The following GMPR variants were observed in gnomAD, a reference collection of about 807,000 sequenced individuals.
GMPR encodes GMP reductase 1.
In GMPR, 31 loss-of-function variants were observed where a neutral mutation model predicts 38.4. The ratio of observed to expected loss-of-function variants is 0.81; its 90% CI spans 0.61 to 1.09. The LOEUF is 1.09. Among genes scored for constraint, GMPR ranks in the 50% least tolerant of loss-of-function variants. The probability of loss-of-function intolerance (pLI) is 0.00; values close to 1 mark genes in which losing one functional copy is unlikely to be tolerated. For missense variants in GMPR, 468 were observed against 453.7 expected (o/e 1.03, Z -0.29); for synonymous variants, 162 against 173.3 (o/e 0.93, Z 0.51).
rs560573288 is a variant in GMPR, at chr6:16,279,261, TG to T, written c.654+379del. ...GACGAGAAGCCCAACATCAGGGTGT[TG>T]GGGGGGGCATGCTCCCTCTCAGGGC... is the stretch of plus-strand genomic sequence containing the variant. On this transcript the variant is annotated intron_variant, in intron 6 of 8. Coordinates refer to ENST00000259727, the MANE Select transcript of GMPR (RefSeq NM_006877.4). Among the ~76,000 whole-genome samples the T allele has an allele frequency of 5.3e-5, 8 of 151,712 alleles. No homozygotes were observed. The East Asian group carries it at 7.7e-4, about 15-fold the overall frequency.
chr6:16,241,151 C>G (rs909691914), intron 1 of GMPR, among the ~76,000 whole-genome samples: 13 of 152,220 alleles, frequency 8.5e-5, no homozygotes, highest in African/African-American at 3.1e-4. Context: ...AAATTGGAAA[C>G]TGAAGGGTAG....
At chr6:16,266,605 A>G (rs1238001711) in intron 4 of GMPR, among the ~76,000 whole-genome samples, 2 of 151,586 alleles carry the variant, frequency 1.3e-5, no homozygotes, top group Admixed American at 1.3e-4. Flanking sequence ...GATCATAACC[A>G]TCCTGGCTAA....
chr6:16,285,876 G>A, intron 7 of GMPR, 41 bp downstream of exon 7: 1 of 1,530,968 alleles, frequency 6.5e-7, no homozygotes, highest in African/African-American at 1.4e-5. Context: ...AAGGAAGGAA[G>A]GAGGGAGCTC....
At chr6:16,271,075 G>T (rs1400693780) in intron 4 of GMPR, among the ~76,000 whole-genome samples, 1 of 152,178 alleles carries the variant, frequency 6.6e-6, no homozygotes, top group Non-Finnish European at 1.5e-5. Flanking sequence ...CTACCGGGTT[G>T]TACCTGGTAC....
In GMPR at chr6:16,290,516, G is replaced by A; in HGVS notation, c.752G>A (p.Cys251Tyr). The change falls in exon 8 of 9, where the codon TGT (cysteine) becomes TAT (tyrosine). Residue 251 changes from cysteine to tyrosine, a missense_variant. Physicochemically the swap from Cys to Tyr is radical, Grantham distance 194. Transcript: ENST00000259727. The part of the protein sequence containing the change: ...LGGMFSGHTE[C>Y]AGEVFERNGR... Reference sequence around the variant, plus strand: ...GGAATGTTTTCGGGTCATACGGAGTGTGCTGGAGAAGTGTTTGAGAGGAAC... The same window carrying A: ...GGAATGTTTTCGGGTCATACGGAGTATGCTGGAGAAGTGTTTGAGAGGAAC... 1 of 1,614,020 alleles carries A rather than the reference G, an allele frequency of 6.2e-7. No homozygotes were observed. Among genetic ancestry groups the A allele is most frequent in the Non-Finnish European group, 8.5e-7 (1 of 1,179,876 alleles).
At chr6:16,265,204 C>T (rs1401855525) in intron 4 of GMPR, among the ~76,000 whole-genome samples, 1 of 152,250 alleles carries the variant, frequency 6.6e-6, no homozygotes, top group Non-Finnish European at 1.5e-5. Context: ...CCTCCTACCT[C>T]TGCCTCCTAA....
At chr6:16,251,394 A>C (rs1758873180) in intron 3 of GMPR, among the ~76,000 whole-genome samples, 2 of 152,198 alleles carry the variant, frequency 1.3e-5, no homozygotes, top group Admixed American at 1.3e-4. Flanking sequence ...AACATGGAGA[A>C]ACCCTGTCTT....
intron 1 of GMPR, among the ~76,000 whole-genome samples, chr6:16,241,897 C>A (rs1406222432): frequency 2.0e-5 from 3 of 151,894 alleles, no homozygotes; most frequent in African/African-American, 7.3e-5. Flanking sequence ...ACCTACCACG[C>A]TCTGCTAATT....
At chr6:16,251,943 A>G (rs1199377743) in intron 3 of GMPR, among the ~76,000 whole-genome samples, 2 of 152,164 alleles carry the variant, frequency 1.3e-5, no homozygotes, top group African/African-American at 4.8e-5. Flanking sequence ...AGCCACAGAC[A>G]GGTCTCCCTG....
chr6:16,260,379 G>C lies in GMPR; in HGVS notation c.465+5644G>C, dbSNP rs184319910. Among the ~76,000 whole-genome samples the C allele has an allele frequency of 2.2e-3, 336 of 152,090 alleles. 2 individuals carry two copies. Among genetic ancestry groups the C allele is most frequent in the African/African-American group, 7.8e-3 (323 of 41,532 alleles). On this transcript the variant is annotated intron_variant, in intron 4 of 8. Transcript: ENST00000259727. ...CTGAAGAATTATTTCTGACAGAAGG[G>C]AGGAAATGACTGTGGTGGCCTTCTC...
intron 4 of GMPR, among the ~76,000 whole-genome samples, chr6:16,267,805 G>C (rs1023317276): frequency 1.3e-5 from 2 of 152,300 alleles, no homozygotes; most frequent in Admixed American, 1.3e-4. Context: ...AATGTGTTCA[G>C]ATTAGATAGA....
At chr6:16,278,965 C>G (rs1163794879) in intron 6 of GMPR, 75 bp downstream of exon 6, 15 of 873,372 alleles carry the variant, frequency 1.7e-5, no homozygotes, top group African/African-American at 1.5e-4. Flanking sequence ...CTTTCACTGG[C>G]TGGGCATCCT....
rs751763859 is a variant in GMPR, at chr6:16,254,584, G to A, written c.314G>A (p.Ser105Asn). 4.3e-6 allele frequency: 7 copies of A among 1,614,100 alleles called. No homozygotes were observed. In the South Asian group the frequency reaches 5.5e-5, roughly 13 times the overall value. The change falls in exon 4 of 9, where the codon AGT becomes AAT. Residue 105 changes from serine to asparagine, a missense_variant. Transcript: ENST00000259727. ...CAGAATGTAGCCGTGAGTTCAGGCA[G>A]TGGGCAGAATGATCTGGAAAAGATG... ...CLQNVAVSSG[S>N]GQNDLEKMTS...
intron 3 of GMPR, among the ~76,000 whole-genome samples, chr6:16,252,446 A>G (rs1758894599): frequency 6.6e-6 from 1 of 152,094 alleles, no homozygotes; most frequent in Non-Finnish European, 1.5e-5. Flanking sequence ...TTTTTAGTAG[A>G]GACAAGGTTT....
chr6:16,251,682 A>T (rs1261502762), intron 3 of GMPR, among the ~76,000 whole-genome samples: 1 of 152,194 alleles, frequency 6.6e-6, no homozygotes, highest in African/African-American at 2.4e-5. Context: ...TGAGGGGCTG[A>T]GGAAGTTTGA....
chr6:16,285,730 G>T, intron 6 of GMPR, 63 bp from the exon 7 acceptor site: 2 of 1,379,968 alleles, frequency 1.4e-6, no homozygotes, highest in South Asian at 1.2e-5. Flanking sequence ...CATCTGGGGG[G>T]AGGGGACAGC....
intron 4 of GMPR, among the ~76,000 whole-genome samples, chr6:16,271,322 C>G (rs1247702597): frequency 6.6e-6 from 1 of 152,006 alleles, no homozygotes; most frequent in African/African-American, 2.4e-5. Context: ...TCTGTCTCTA[C>G]AGAAAATACA....
At chr6:16,279,265 G>A (rs983356750) in intron 6 of GMPR, among the ~76,000 whole-genome samples, 4 of 152,166 alleles carry the variant, frequency 2.6e-5, no homozygotes, top group Non-Finnish European at 5.9e-5. Context: ...GGGTGTTGGG[G>A]GGGGCATGCT....
At chr6:16,285,960 C>T in intron 7 of GMPR, 125 bp downstream of exon 7, 1 of 813,594 alleles carries the variant, frequency 1.2e-6, no homozygotes, top group Non-Finnish European at 2.0e-6. Context: ...CCTGGAGGTT[C>T]CTCTCCCTGG....
Sources: gnomAD v4.1 joint callset for allele counts (sites outside exome capture counted in the v4.1 genomes callset) on GRCh38, gnomAD v4.1.1 for gene constraint, MANE v1.5 for transcripts, NCBI Gene and HGNC (gene_info 2026-07-23, HGNC 2026-07-21) for gene names.